PDE1C: variants seen among roughly 807,000 people sequenced by gnomAD.
The protein encoded by PDE1C is phosphodiesterase 1C.
A neutral mutation model predicts 93.1 loss-of-function variants in PDE1C; 62 were observed. The ratio of observed to expected loss-of-function variants is 0.67; its 90% CI spans 0.54 to 0.82. The LOEUF (loss-of-function observed/expected upper bound fraction) is 0.82, where lower values mean the gene tolerates loss of function less well. Ranked by LOEUF, PDE1C falls within the 40% of genes least tolerant of loss-of-function variation. PDE1C has a pLI of 0.00. For missense variants in PDE1C, 742 were observed against 884.6 expected (o/e 0.84, Z 2.04); for synonymous variants, 325 against 310.1 (o/e 1.05, Z -0.50).
At chr7:32,153,840 C>T in intron 3 of PDE1C, among the ~76,000 whole-genome samples, 1 of 152,124 alleles carries the variant, frequency 6.6e-6, no homozygotes, top group East Asian at 1.9e-4. Context: ...TGTTTGGTCG[C>T]CTTATTTTAG....
intron 16 of PDE1C, among the ~76,000 whole-genome samples, chr7:31,776,795 C>T (rs1034730647): frequency 6.6e-6 from 1 of 151,940 alleles, no homozygotes; most frequent in African/African-American, 2.4e-5. Flanking sequence ...GGCAGAAATG[C>T]AGAGAGAATT....
At chr7:31,764,568 A>G (rs913207086) in intron 17 of PDE1C, among the ~76,000 whole-genome samples, 4 of 152,200 alleles carry the variant, frequency 2.6e-5, no homozygotes, top group African/African-American at 9.7e-5. Context: ...TTTAATCTTG[A>G]AATCATTAGA....
chr7:32,127,305 T>C (rs778423504), intron 3 of PDE1C, among the ~76,000 whole-genome samples: 1 of 152,028 alleles, frequency 6.6e-6, no homozygotes, highest in African/African-American at 2.4e-5. Flanking sequence ...TATATTTGCA[T>C]AAATATACGT....
At chr7:31,975,648 C>A (rs1297444301) in intron 2 of PDE1C, among the ~76,000 whole-genome samples, 1 of 152,106 alleles carries the variant, frequency 6.6e-6, no homozygotes, top group Non-Finnish European at 1.5e-5. Flanking sequence ...AAGCCTGCTC[C>A]ACCACTTACT....
chr7:32,201,806 C>T (rs1315374768), intron 2 of PDE1C, among the ~76,000 whole-genome samples: 1 of 152,194 alleles, frequency 6.6e-6, no homozygotes, highest in African/African-American at 2.4e-5. Context: ...AATGGTCTGT[C>T]TGCAATTGCA....
At chr7:32,162,543 G>A (rs1222693470) in intron 3 of PDE1C, among the ~76,000 whole-genome samples, 1 of 151,982 alleles carries the variant, frequency 6.6e-6, no homozygotes, top group East Asian at 1.9e-4. Flanking sequence ...AGAAAGTTGG[G>A]TGGCAGTGTC....
chr7:32,237,187 C>T lies in PDE1C; in HGVS notation c.86-27648G>A, dbSNP rs901422434. ...CTGCAAGTTCTACCACCCAGGTTCACGCCATTTTCCTGCCTCAGCCTCCTG... is the reference window on the plus strand; with the variant it reads ...CTGCAAGTTCTACCACCCAGGTTCATGCCATTTTCCTGCCTCAGCCTCCTG... On this transcript the variant is annotated intron_variant, in intron 1 of 18. Transcript: ENST00000396193. 4.0e-5 allele frequency among the ~76,000 whole-genome samples: 6 copies of T among 150,690 alleles called. No individual in the cohort carries two copies. The East Asian group carries it at 5.9e-4, about 15-fold the overall frequency.
chr7:31,935,629 G>A (rs35542998), intron 2 of PDE1C, among the ~76,000 whole-genome samples: 21 of 151,946 alleles, frequency 1.4e-4, no homozygotes, highest in Admixed American at 6.6e-5. Context: ...CTGGAGACAC[G>A]CATAATAATA....
chr7:32,425,204 C>G (rs6462365), intron 1 of PDE1C, among the ~76,000 whole-genome samples: 7,671 of 152,100 alleles, frequency 0.05, 365 homozygotes, highest in African/African-American at 0.11. Flanking sequence ...CTCCCAGGTT[C>G]TCTGCTATTC....
At chr7:32,337,920 A>C (rs1445052258) in intron 1 of PDE1C, among the ~76,000 whole-genome samples, 1 of 152,202 alleles carries the variant, frequency 6.6e-6, no homozygotes, top group Admixed American at 6.5e-5. Context: ...AAAACTGGAT[A>C]TTCACATGAA....
intron 1 of PDE1C, among the ~76,000 whole-genome samples, chr7:32,342,050 T>C (rs186230): frequency 0.71 from 105,816 of 150,076 alleles, 37,255 homozygotes; most frequent in Admixed American, 0.77. Flanking sequence ...TATAAATATA[T>C]GTAATAATTT....
chr7:32,344,031 G>T (rs566200427), intron 1 of PDE1C, among the ~76,000 whole-genome samples: 1 of 152,232 alleles, frequency 6.6e-6, no homozygotes, highest in African/African-American at 2.4e-5. Context: ...TGATATTGTT[G>T]TATAAAATTT....
chr7:31,750,871 A>C (rs1278178769), downstream of PDE1C, among the ~76,000 whole-genome samples: 1 of 152,230 alleles, frequency 6.6e-6, no homozygotes, highest in African/African-American at 2.4e-5. Flanking sequence ...AGCTGCGCAA[A>C]GTCCCAATTC....
chr7:31,988,855 C>A (rs1198317095), intron 2 of PDE1C, among the ~76,000 whole-genome samples: 3 of 151,668 alleles, frequency 2.0e-5, no homozygotes, highest in Non-Finnish European at 4.4e-5. Context: ...ATTAGCTGGG[C>A]GTAGTGGCAC....
chr7:32,046,576 T>C lies in PDE1C; in HGVS notation c.128+4978A>G, dbSNP rs1211956419. 3.3e-5 allele frequency among the ~76,000 whole-genome samples: 5 copies of C among 152,200 alleles called. No individual in the cohort carries two copies. The East Asian group carries it at 9.6e-4, about 29-fold the overall frequency. On this transcript the variant is annotated intron_variant, in intron 2 of 17. Transcript: ENST00000396191. ...GTACATATCTTGTTATTTCCAGTAT[T>C]TACTGAACTATATAGCAATATACTA...
chr7:31,961,904 A>T (rs1809050499), intron 2 of PDE1C, among the ~76,000 whole-genome samples: 1 of 152,204 alleles, frequency 6.6e-6, no homozygotes. Flanking sequence ...TTATTAGCAA[A>T]AATAAATCCT....
intron 1 of PDE1C, among the ~76,000 whole-genome samples, chr7:32,338,318 T>C (rs1293124740): frequency 3.9e-5 from 6 of 152,186 alleles, no homozygotes; most frequent in African/African-American, 9.7e-5. Flanking sequence ...AGGACTTGAA[T>C]AGATATTTCT....
chr7:32,305,375 A>C (rs1036993807), intron 1 of PDE1C, among the ~76,000 whole-genome samples: 1 of 152,140 alleles, frequency 6.6e-6, no homozygotes, highest in African/African-American at 2.4e-5. Flanking sequence ...TTAACCAGGG[A>C]AACTTACCTT....
At chr7:31,769,462 G>A (rs1051465592) in intron 17 of PDE1C, among the ~76,000 whole-genome samples, 2 of 152,098 alleles carry the variant, frequency 1.3e-5, no homozygotes, top group African/African-American at 4.8e-5. Flanking sequence ...AAGAATTTGA[G>A]TCTTTCTTTA....
Sources: gnomAD v4.1 joint callset for allele counts (sites outside exome capture counted in the v4.1 genomes callset) on GRCh38, gnomAD v4.1.1 for gene constraint, MANE v1.5 for transcripts, NCBI Gene and HGNC (gene_info 2026-07-23, HGNC 2026-07-21) for gene names.